FPGT: variants seen among roughly 807,000 people sequenced by gnomAD.
FPGT encodes the protein fucose-1-phosphate guanylyltransferase, also known as GDP-L-fucose diphosphorylase.
In FPGT, 41 loss-of-function variants were observed where a neutral mutation model predicts 45.8. The ratio of observed to expected loss-of-function variants is 0.90; its 90% confidence interval spans 0.70 to 1.16. The LOEUF is 1.16. Among genes scored for constraint, FPGT ranks in the 50% most tolerant of loss-of-function variants. FPGT has a pLI of 0.00. For synonymous variants in FPGT, 292 were observed against 247.2 expected (o/e 1.18, Z -1.70); for missense variants, 755 against 689.1 (o/e 1.10, Z -1.07).
rs183146269 is a variant in FPGT, at chr1:74,201,349, A to G, written c.282A>G (p.Gln94=). Residue 94 remains glutamine (Q), a synonymous_variant, in exon 3 of 4, where the codon CAA becomes CAG. Transcript: ENST00000370898. ...GNGGSTLCAL[Q]CLEKLYGDKW... is the part of the protein sequence containing the mutation. ...GAGGATCAACACTTTGTGCCCTTCA[A>G]TGTTTGGAAAAGCTATATGGAGATA... 104 of 1,612,234 alleles carry G rather than the reference A, an allele frequency of 6.5e-5. No individual in the cohort carries two copies. The Admixed American group carries it at 8.2e-4, about 13-fold the overall frequency.
Position 74,205,504 on chromosome 1 carries a change from A to T in FPGT, c.1457A>T (p.Asp486Val). 1 of 1,612,918 alleles carries T rather than the reference A, an allele frequency of 6.2e-7. No homozygotes were observed. Among genetic ancestry groups the T allele is most frequent in the Non-Finnish European group, 8.5e-7 (1 of 1,178,882 alleles). The change falls in exon 4 of 4, where the codon GAT (aspartate) becomes GTT (valine). Residue 486 changes from aspartate to valine, a missense_variant. Asp to Val is a radical substitution (Grantham distance 152). Coordinates refer to ENST00000370898, the MANE Select transcript of FPGT (RefSeq NM_003838.5). ...NLKKSVKTLSDIKLLQFFGVC... is the reference protein window; with the variant it reads ...NLKKSVKTLSVIKLLQFFGVC... ...AAAAAGAGTGTGAAAACATTGTCAG[A>T]TATAAAGTTACTTCAATTCTTTGGA...
rs181649063 is a variant in FPGT at position 74,204,567 on chromosome 1, A to G, written c.520A>G (p.Ser174Gly). 7.1e-5 allele frequency: 115 copies of G among 1,610,156 alleles called. No individual in the cohort carries two copies. The highest frequency in any genetic ancestry group is 1.6e-5 in the Non-Finnish European group (19 of 1,176,508). The change falls in exon 4 of 4, where the codon AGT (serine) becomes GGT (glycine). Residue 174 changes from serine (S) to glycine (G), a missense_variant. By Grantham distance (56) the Ser-to-Gly change is moderately conservative. Coordinates refer to ENST00000370898, the MANE Select transcript of FPGT (RefSeq NM_003838.5). The part of the protein sequence containing the change: ...VTCADDIELY[S>G]IGEFEFIRFD... ...CTGTGCAGATGATATTGAACTTTAT[A>G]GTATTGGAGAATTTGAGTTTATTAG...
In FPGT at chr1:74,204,708, T is replaced by A; in HGVS notation, c.661T>A (p.Tyr221Asn). Residue 221 changes from tyrosine to asparagine, a missense_variant, in exon 4 of 4, where the codon TAC becomes AAC. By Grantham distance (143) the Tyr-to-Asn change is moderately radical. Coordinates refer to ENST00000370898, the MANE Select transcript of FPGT (RefSeq NM_003838.5). ...FDDLKHRDLE[Y>N]RSCHRFLHKP... ...TGATTTAAAACATAGAGACCTTGAATACAGGTCTTGCCATCGTTTCCTTCA... is the reference window on the plus strand; with the variant it reads ...TGATTTAAAACATAGAGACCTTGAAAACAGGTCTTGCCATCGTTTCCTTCA... 2 of 1,613,946 alleles carry A rather than the reference T, an allele frequency of 1.2e-6. No homozygotes were observed. The highest frequency in any genetic ancestry group is 1.7e-6 in the Non-Finnish European group (2 of 1,179,846).
chr1:74,199,127 T>C (rs1651520749), intron 1 of FPGT, among the ~76,000 whole-genome samples: 1 of 152,232 alleles, frequency 6.6e-6, no homozygotes, highest in Non-Finnish European at 1.5e-5. Flanking sequence ...TTTTATGTTA[T>C]ATTCTAACAG....
At chr1:74,201,650 G>A (rs539760102) in intron 3 of FPGT, among the ~76,000 whole-genome samples, 145 of 152,118 alleles carry the variant, frequency 9.5e-4, no homozygotes, top group Non-Finnish European at 1.8e-3. Context: ...AGTCTTTTAT[G>A]AATATTGTTT....
intron 1 of FPGT, among the ~76,000 whole-genome samples, 159 bp from the exon 2 acceptor site, chr1:74,199,505 T>C (rs1038340594): frequency 4.6e-5 from 7 of 152,254 alleles, no homozygotes; most frequent in South Asian, 2.1e-4. Flanking sequence ...ATCGTATTAA[T>C]GCACCACTAA....
chr1:74,205,230 T>C lies in FPGT; in HGVS notation c.1183T>C (p.Cys395Arg). The C allele has an allele frequency of 2.5e-6, 4 of 1,614,038 alleles. No homozygotes were observed. The highest frequency in any genetic ancestry group is 2.5e-6 in the Non-Finnish European group (3 of 1,179,888). Reference protein sequence around the residue: ...TFSIFPDIPECSGKTSCIIQS... With the variant: ...TFSIFPDIPERSGKTSCIIQS... The stretch of plus-strand genomic sequence containing the variant: ...TAGTATCTTTCCAGATATACCAGAA[T>C]GCTCTGGCAAAACATCCTGTATCAT... Residue 395 changes from cysteine to arginine, a missense_variant, in exon 4 of 4, where the codon TGC becomes CGC. Physicochemically the swap from Cys to Arg is radical, Grantham distance 180. Coordinates refer to ENST00000370898, the MANE Select transcript of FPGT (RefSeq NM_003838.5).
chr1:74,200,422 A>G (rs1052908940), intron 2 of FPGT, among the ~76,000 whole-genome samples: 20 of 151,928 alleles, frequency 1.3e-4, no homozygotes, highest in African/African-American at 3.9e-4. Flanking sequence ...TGACATTAAT[A>G]TGACATTAGC....
chr1:74,205,830 T>A lies in FPGT; in HGVS notation c.1783T>A (p.Ter595LysextTer13). 1 of 1,511,568 alleles carries A rather than the reference T, an allele frequency of 6.6e-7. No individual in the cohort carries two copies. The highest frequency in any genetic ancestry group is 9.1e-7 in the Non-Finnish European group (1 of 1,099,786). The allele number at this position is 1,511,568 out of a possible 1,614,324, so 93.6% of individuals were successfully genotyped here. ...LEISLKSSLM[*>K] Reference sequence around the variant, plus strand: ...AATCAGTTTAAAAAGCAGTTTGATGTAGAGATATTTTAAATATTGTACACT... The same window carrying A: ...AATCAGTTTAAAAAGCAGTTTGATGAAGAGATATTTTAAATATTGTACACT... Residue 595 changes from the stop codon to lysine (K), a stop_lost, in exon 4 of 4, where the codon TAG becomes AAG. Transcript: ENST00000370898.
rs569944838 is a variant in FPGT, at chr1:74,205,204, T to G, written c.1157T>G (p.Phe386Cys). The change falls in exon 4 of 4, where the codon TTT (phenylalanine) becomes TGT (cysteine). Residue 386 changes from phenylalanine to cysteine, a missense_variant. Phe to Cys is a radical substitution (Grantham distance 205). Transcript: ENST00000370898. ...GAGCTCGGCTTACAGTCCATAACTTTTAGTATCTTTCCAGATATACCAGAA... is the reference window on the plus strand; with the variant it reads ...GAGCTCGGCTTACAGTCCATAACTTGTAGTATCTTTCCAGATATACCAGAA... ...KSELGLQSIT[F>C]SIFPDIPECS... 183 of 1,614,084 alleles carry G rather than the reference T, an allele frequency of 1.1e-4. 4 individuals carry two copies. The South Asian group carries it at 2.0e-3, about 17-fold the overall frequency.
At chr1:74,202,592 A>G (rs1394756736) in intron 3 of FPGT, among the ~76,000 whole-genome samples, 1 of 152,104 alleles carries the variant, frequency 6.6e-6, no homozygotes, top group Non-Finnish European at 1.5e-5. Flanking sequence ...AAAAAACAGA[A>G]ACTTATTAGC....
chr1:74,205,313 C>G lies in FPGT; in HGVS notation c.1266C>G (p.Ser422=), dbSNP rs775362243. 18 of 1,613,902 alleles carry G rather than the reference C, an allele frequency of 1.1e-5. No individual in the cohort carries two copies. The highest frequency in any genetic ancestry group is 1.5e-5 in the Non-Finnish European group (18 of 1,179,978). The change falls in exon 4 of 4, where the codon TCC becomes TCG. Residue 422 remains serine, a synonymous_variant. Transcript: ENST00000370898. ...SVAPGSVVEY[S]RLGPDVSVGE... is the part of the protein sequence containing the mutation. Reference sequence around the variant, plus strand: ...CACCTGGCTCAGTTGTGGAGTATTCCAGATTGGGGCCTGATGTTTCAGTTG... The same window carrying G: ...CACCTGGCTCAGTTGTGGAGTATTCGAGATTGGGGCCTGATGTTTCAGTTG...
At chr1:74,203,391 ATT>A (rs750174855) in intron 3 of FPGT, among the ~76,000 whole-genome samples, 2 of 115,820 alleles carry the variant, frequency 1.7e-5, no homozygotes, top group Admixed American at 1.7e-4. Context: ...TGTGAAGTAG[ATT>A]TTTTTTTTTT....
chr1:74,198,297 C>A lies in FPGT; in HGVS notation c.19C>A (p.Pro7Thr). Residue 7 changes from proline to threonine, a missense_variant, in exon 1 of 4, where the codon CCT (proline) becomes ACT (threonine). Pro to Thr is a conservative substitution (Grantham distance 38). Coordinates refer to ENST00000370898, the MANE Select transcript of FPGT (RefSeq NM_003838.5). MAAARD[P>T]PEVSLREATQ... Reference sequence around the variant, plus strand: ...TGGGGCTATGGCAGCTGCTAGGGACCCTCCGGAAGTATCGCTGCGAGAAGC... The same window carrying A: ...TGGGGCTATGGCAGCTGCTAGGGACACTCCGGAAGTATCGCTGCGAGAAGC... The A allele has an allele frequency of 6.2e-7, 1 of 1,614,080 alleles. No individual in the cohort carries two copies. The highest frequency in any genetic ancestry group is 8.5e-7 in the Non-Finnish European group (1 of 1,179,998).
Position 74,206,872 on chromosome 1 carries a change from A to G in FPGT, c.*1040A>G, listed in dbSNP as rs903912424. 1 of 152,144 alleles carries G rather than the reference A, an allele frequency of 6.6e-6. No homozygotes were observed. Among genetic ancestry groups the G allele is most frequent in the African/African-American group, 2.4e-5 (1 of 41,444 alleles). The allele number at this position is 152,144 out of a possible 1,614,324, so 9.4% of individuals were successfully genotyped here. ...TATAAGTGAAAAGTCTTATAAGTGT[A>G]ATAGAGAAAAGATTTGTCAGTGTGT... On this transcript the variant is annotated 3_prime_UTR_variant, in exon 4 of 4. Coordinates refer to ENST00000370898, the MANE Select transcript of FPGT (RefSeq NM_003838.5).
In FPGT at chr1:74,204,414, A is replaced by G. The variant is rs2100776569; in HGVS notation, c.367A>G (p.Asn123Asp). The G allele has an allele frequency of 3.8e-6, 6 of 1,586,560 alleles. No homozygotes were observed. In the East Asian group the frequency reaches 1.1e-4, roughly 30 times the overall value. The change falls in exon 4 of 4, where the codon AAT becomes GAT. Residue 123 changes from asparagine to aspartate, a missense_variant. Physicochemically the swap from Asn to Asp is conservative, Grantham distance 23 (BLOSUM62 1). Coordinates refer to ENST00000370898, the MANE Select transcript of FPGT (RefSeq NM_003838.5). ...HSGGYSQRLP[N>D]ASALGKIFTA... The stretch of plus-strand genomic sequence containing the variant: ...AGGTGGCTACAGTCAACGACTTCCA[A>G]ATGCAAGTGCTCTGGGAAAAATTTT...
Position 74,204,945 on chromosome 1 carries a change from GC to G in FPGT, c.900del (p.Tyr301MetfsTer31). 3 of 1,614,050 alleles carry G rather than the reference GC, an allele frequency of 1.9e-6. No individual in the cohort carries two copies. Among genetic ancestry groups the G allele is most frequent in the Middle Eastern group, 1.6e-4 (1 of 6,062 alleles). On this transcript the variant is annotated frameshift_variant, in exon 4 of 4. Coordinates refer to ENST00000370898, the MANE Select transcript of FPGT (RefSeq NM_003838.5). LOFTEE classifies it high-confidence loss of function. ...KIGTLSCEID[A>X]YGDFLQALGP... is the part of the protein sequence containing the mutation. ...AGGCACACTGAGCTGTGAAATAGATGCCTATGGTGACTTTCTGCAGGCTTTG... is the reference window on the plus strand; with the variant it reads ...AGGCACACTGAGCTGTGAAATAGATGCTATGGTGACTTTCTGCAGGCTTTG...
At position 74,204,494 on chromosome 1, in the gene FPGT, C is replaced by T. The variant is rs368063418; in HGVS notation, c.447C>T (p.Ala149=). ...PIYQMLELKL[A]MYIDFPLNMN... is the part of the protein sequence containing the mutation. ...ATCAGATGCTAGAATTAAAACTAGC[C>T]ATGTACATTGATTTCCCCTTAAATA... Residue 149 remains alanine (A), a synonymous_variant, in exon 4 of 4, where the codon GCC becomes GCT. Coordinates refer to ENST00000370898, the MANE Select transcript of FPGT (RefSeq NM_003838.5). 6.2e-7 allele frequency: 1 copy of T among 1,609,856 alleles called. No homozygotes were observed. The highest frequency in any genetic ancestry group is 1.1e-5 in the South Asian group (1 of 91,012).
In FPGT at chr1:74,205,505, T is replaced by C. The variant is rs1049894490; in HGVS notation, c.1458T>C (p.Asp486=). The C allele has an allele frequency of 6.2e-7, 1 of 1,613,104 alleles. No homozygotes were observed. The highest frequency in any genetic ancestry group is 8.5e-7 in the Non-Finnish European group (1 of 1,179,040). The change falls in exon 4 of 4, where the codon GAT becomes GAC. Residue 486 remains aspartate (D), a synonymous_variant. Transcript: ENST00000370898. ...NLKKSVKTLS[D]IKLLQFFGVC... Reference sequence around the variant, plus strand: ...AAAAGAGTGTGAAAACATTGTCAGATATAAAGTTACTTCAATTCTTTGGAG... The same window carrying C: ...AAAAGAGTGTGAAAACATTGTCAGACATAAAGTTACTTCAATTCTTTGGAG...
Sources: allele counts gnomAD v4.1 joint callset (sites outside exome capture counted in the v4.1 genomes callset), GRCh38; gene constraint gnomAD v4.1.1; transcripts MANE v1.5; gene names NCBI Gene and HGNC (gene_info 2026-07-23, HGNC 2026-07-21).